The following PABPC4L variants were observed in gnomAD, a reference collection of about 807,000 sequenced individuals.
PABPC4L encodes the protein polyadenylate-binding protein 4-like.
For missense variants in PABPC4L, 452 were observed against 451.4 expected, an observed-to-expected ratio of 1.00 and a Z score of -0.01; for synonymous variants, 169 against 164.1, an observed-to-expected ratio of 1.03 and a Z score of -0.23.
the PABPC4L span, among the ~76,000 whole-genome samples, chr4:134,133,705 T>G: frequency 6.6e-6 from 1 of 151,758 alleles, no homozygotes; most frequent in Non-Finnish European, 1.5e-5. Context: ...GGAAGGGGTG[T>G]AAGGGACAAA....
Position 134,197,701 on chromosome 4 carries a change from T to C in PABPC4L, c.*2206A>G, listed in dbSNP as rs1729707611. ...AAATGGTCAGTGAGTACACAAATAC[T>C]GTTTAACTTTTGTAATTTACAAAAG... On this transcript the variant is annotated 3_prime_UTR_variant, in exon 2 of 2. Coordinates refer to ENST00000421491, the MANE Select transcript of PABPC4L (RefSeq NM_001114734.2). 2 of 151,766 alleles carry C rather than the reference T, an allele frequency of 1.3e-5. No homozygotes were observed. The highest frequency in any genetic ancestry group is 4.8e-5 in the African/African-American group (2 of 41,418). The allele number at this position is 151,766 out of a possible 1,614,324, so 9.4% of individuals were successfully genotyped here.
chr4:134,133,550 A>G, the PABPC4L span, among the ~76,000 whole-genome samples: 1 of 151,124 alleles, frequency 6.6e-6, no homozygotes, highest in South Asian at 2.1e-4. Context: ...ATGGAATTGC[A>G]GACTGTTATT....
the PABPC4L span, among the ~76,000 whole-genome samples, chr4:133,969,586 A>G: frequency 1.3e-5 from 2 of 152,174 alleles, no homozygotes; most frequent in African/African-American, 2.4e-5. Context: ...AATAACCCCA[A>G]CAAAGACTCA....
the PABPC4L span, among the ~76,000 whole-genome samples, chr4:134,004,401 C>T: frequency 4.0e-5 from 6 of 151,888 alleles, no homozygotes; most frequent in African/African-American, 1.4e-4. Flanking sequence ...TGCTCAATAT[C>T]ATCAGTCATC....
chr4:134,133,148 TATATA>T, the PABPC4L span, among the ~76,000 whole-genome samples: 1,303 of 46,280 alleles, frequency 0.028, 31 homozygotes, highest in African/African-American at 0.13. Flanking sequence ...AATTATATAT[TATATA>T]ATATATCATA....
the PABPC4L span, among the ~76,000 whole-genome samples, chr4:134,092,137 C>T: frequency 2.6e-5 from 4 of 151,992 alleles, no homozygotes; most frequent in East Asian, 7.8e-4. Flanking sequence ...CTGGAAAAGG[C>T]CCCACTCACA....
the PABPC4L span, among the ~76,000 whole-genome samples, chr4:133,956,943 T>A: frequency 6.6e-6 from 1 of 152,126 alleles, no homozygotes; most frequent in Non-Finnish European, 1.5e-5. Context: ...CTGTGTCCCT[T>A]CAATGACACA....
At chr4:134,032,012 A>G in the PABPC4L span, among the ~76,000 whole-genome samples, 1 of 151,886 alleles carries the variant, frequency 6.6e-6, no homozygotes, top group Non-Finnish European at 1.5e-5. Context: ...TATTCATAAT[A>G]TCTTATATTT....
At chr4:134,068,021 G>A in the PABPC4L span, among the ~76,000 whole-genome samples, 2 of 152,104 alleles carry the variant, frequency 1.3e-5, no homozygotes, top group African/African-American at 4.8e-5. Flanking sequence ...GTGCTCTTTA[G>A]ATATTTGTTA....
chr4:133,955,085 A>G, the PABPC4L span, among the ~76,000 whole-genome samples: 1 of 152,166 alleles, frequency 6.6e-6, no homozygotes, highest in Non-Finnish European at 1.5e-5. Context: ...AATAACACAG[A>G]AACATGAGAA....
the PABPC4L span, among the ~76,000 whole-genome samples, chr4:133,984,967 A>C: frequency 2.0e-5 from 3 of 152,026 alleles, no homozygotes; most frequent in Non-Finnish European, 4.4e-5. Flanking sequence ...TGACTAGTAC[A>C]AGAACTAAAG....
the PABPC4L span, among the ~76,000 whole-genome samples, chr4:134,170,043 C>T: frequency 6.6e-6 from 1 of 152,068 alleles, no homozygotes; most frequent in African/African-American, 2.4e-5. Context: ...TTCCACACTC[C>T]ACACTCAAGT....
chr4:134,200,450 G>T lies in PABPC4L; in HGVS notation c.570C>A (p.Thr190=). ...AELRSKASEF[T]NVYIKNFGGD... is the part of the protein sequence containing the mutation. ...CTCCAAAGTTTTTTATGTAAACATTGGTGAATTCACTGGCTTTGCTTCTGA... is the reference window on the plus strand; with the variant it reads ...CTCCAAAGTTTTTTATGTAAACATTTGTGAATTCACTGGCTTTGCTTCTGA... Residue 190 remains threonine, a synonymous_variant, in exon 2 of 2, where the codon ACC becomes ACA. Transcript: ENST00000421491. 1 of 1,551,666 alleles carries T rather than the reference G, an allele frequency of 6.4e-7. No individual in the cohort carries two copies.
At chr4:134,193,633 C>T (rs1450012844), downstream of PABPC4L, among the ~76,000 whole-genome samples, 4 of 151,660 alleles carry the variant, frequency 2.6e-5, no homozygotes, top group African/African-American at 9.7e-5. Context: ...GTATATGAGC[C>T]CAAGTCCATG....
the PABPC4L span, among the ~76,000 whole-genome samples, chr4:134,089,820 T>G: frequency 6.6e-6 from 1 of 152,050 alleles, no homozygotes; most frequent in African/African-American, 2.4e-5. Flanking sequence ...TACATGGGGA[T>G]TCTGGAACCA....
chr4:134,092,938 T>C, the PABPC4L span, among the ~76,000 whole-genome samples: 56 of 152,218 alleles, frequency 3.7e-4, no homozygotes, highest in Middle Eastern at 3.4e-3. Context: ...AATTTGACTA[T>C]ATAAGAATTC....
At chr4:134,081,654 G>C in the PABPC4L span, among the ~76,000 whole-genome samples, 1 of 151,958 alleles carries the variant, frequency 6.6e-6, no homozygotes, top group African/African-American at 2.4e-5. Context: ...AACGGTACTG[G>C]AAGACTCTAC....
At chr4:134,140,436 G>T in the PABPC4L span, among the ~76,000 whole-genome samples, 7 of 151,742 alleles carry the variant, frequency 4.6e-5, no homozygotes, top group African/African-American at 1.7e-4. Flanking sequence ...TTTTTTAAAT[G>T]AATTTCTCAT....
At chr4:134,119,852 T>C in the PABPC4L span, among the ~76,000 whole-genome samples, 3 of 151,802 alleles carry the variant, frequency 2.0e-5, no homozygotes, top group African/African-American at 7.2e-5. Flanking sequence ...TTTTGTTTCT[T>C]TCTTTTAACA....
Sources: gnomAD v4.1 joint callset for allele counts (sites outside exome capture counted in the v4.1 genomes callset) on GRCh38, gnomAD v4.1.1 for gene constraint, MANE v1.5 for transcripts, NCBI Gene and HGNC (gene_info 2026-07-23, HGNC 2026-07-21) for gene names.